Variants in DPYSL3 observed in about 807,000 individuals in gnomAD.
DPYSL3 encodes dihydropyrimidinase like 3.
In DPYSL3, 16 loss-of-function variants were observed where a neutral mutation model predicts 66.1. That is an observed-to-expected ratio of 0.24 (90% CI 0.16 to 0.37). The LOEUF (loss-of-function observed/expected upper bound fraction) is 0.37, where lower values mean the gene tolerates loss of function less well. DPYSL3 is among the 10% of genes least tolerant of loss of function. DPYSL3 has a pLI of 1.00. For missense variants in DPYSL3, 738 were observed against 916.2 expected, an observed-to-expected ratio of 0.81 and a Z score of 2.51; for synonymous variants, 338 against 345.1, an observed-to-expected ratio of 0.98 and a Z score of 0.23.
intron 8 of DPYSL3, among the ~76,000 whole-genome samples, chr5:147,403,535 C>G (rs567947259): frequency 6.6e-6 from 1 of 152,220 alleles, no homozygotes; most frequent in East Asian, 1.9e-4. Flanking sequence ...TCTCAGAGTT[C>G]TTTGAGAATT....
chr5:147,440,791 ATAAG>A (rs1000560293), intron 1 of DPYSL3, among the ~76,000 whole-genome samples: 4 of 152,228 alleles, frequency 2.6e-5, no homozygotes, highest in Non-Finnish European at 5.9e-5. Flanking sequence ...AAATAACTTG[ATAAG>A]TAATGTTTCC....
chr5:147,440,356 T>C (rs193284792), intron 1 of DPYSL3, among the ~76,000 whole-genome samples: 499 of 152,290 alleles, frequency 3.3e-3, no homozygotes, highest in Non-Finnish European at 5.5e-3. Context: ...TCAGGTTATT[T>C]TGATTATTCT....
chr5:147,509,435 A>G lies in DPYSL3; in HGVS notation c.381+43T>C. On this transcript the variant is annotated intron_variant, in intron 1 of 13. Coordinates refer to ENST00000343218, the MANE Select transcript of DPYSL3 (RefSeq NM_001197294.2). The surrounding 1 kb of genome is among the most constrained non-coding windows in gnomAD (Gnocchi z 5.3). ...GGGCCATGGCGGCCAGGGCTGGAGA[A>G]AGGAACGAAGGCAAGGAGGGAAGTG... 2.7e-6 allele frequency: 4 copies of G among 1,462,084 alleles called. No individual in the cohort carries two copies. Among genetic ancestry groups the G allele is most frequent in the Non-Finnish European group, 3.6e-6 (4 of 1,111,128 alleles). The allele number at this position is 1,462,084 out of a possible 1,614,324, so 90.6% of individuals were successfully genotyped here.
At chr5:147,398,070 T>C (rs1360629408) in intron 11 of DPYSL3, among the ~76,000 whole-genome samples, 2 of 152,124 alleles carry the variant, frequency 1.3e-5, no homozygotes, top group African/African-American at 4.8e-5. Context: ...TTTAATAAGG[T>C]CCTCAAGTGG....
At position 147,509,264 on chromosome 5, in the gene DPYSL3, C is replaced by G. The variant is rs1255192881; in HGVS notation, c.381+214G>C. Among the ~76,000 whole-genome samples the G allele has an allele frequency of 6.6e-6, 1 of 152,226 alleles. No homozygotes were observed. Among genetic ancestry groups the G allele is most frequent in the Non-Finnish European group, 1.5e-5 (1 of 68,044 alleles). On this transcript the variant is annotated intron_variant, in intron 1 of 13. Coordinates refer to ENST00000343218, the MANE Select transcript of DPYSL3 (RefSeq NM_001197294.2). The surrounding 1 kb of genome is among the most constrained non-coding windows in gnomAD (Gnocchi z 5.3). ...GGCAGGGGAACCCGGGCATCCCTTC[C>G]GCGCTTGCACGAAGATGCTGCAAGT...
chr5:147,420,449 AT>A (rs1447203164), intron 2 of DPYSL3, among the ~76,000 whole-genome samples: 2 of 152,164 alleles, frequency 1.3e-5, no homozygotes, highest in Admixed American at 6.5e-5. Context: ...GGTCCTTTGC[AT>A]ATATACAGAT....
intron 13 of DPYSL3, among the ~76,000 whole-genome samples, chr5:147,394,840 A>T (rs3805534): frequency 0.04 from 6,014 of 152,096 alleles, 337 homozygotes; most frequent in East Asian, 0.19. Flanking sequence ...CTCCCATTCC[A>T]TACCCTTTCC....
chr5:147,506,668 G>A (rs1005761976), intron 1 of DPYSL3, among the ~76,000 whole-genome samples: 2 of 152,008 alleles, frequency 1.3e-5, no homozygotes, highest in African/African-American at 4.8e-5. Context: ...ACATGTAACG[G>A]GCATTAAAAT....
chr5:147,410,286 G>A (rs769084540), intron 6 of DPYSL3, among the ~76,000 whole-genome samples: 9 of 151,858 alleles, frequency 5.9e-5, no homozygotes, highest in Non-Finnish European at 1.0e-4. Flanking sequence ...AATCACCAGG[G>A]GATTATTTTC....
chr5:147,501,455 A>G lies in DPYSL3; in HGVS notation c.381+8023T>C, dbSNP rs529878111. On this transcript the variant is annotated intron_variant, in intron 1 of 13. Transcript: ENST00000343218. Reference sequence around the variant, plus strand: ...AACACCAGAGTGAAGCCTAATGTAAACTATGGATTTGTGGTGATAATGATT... The same window carrying G: ...AACACCAGAGTGAAGCCTAATGTAAGCTATGGATTTGTGGTGATAATGATT... Among the ~76,000 whole-genome samples, 7 of 150,544 alleles carry G rather than the reference A, an allele frequency of 4.6e-5. No homozygotes were observed. The South Asian group carries it at 1.5e-3, about 32-fold the overall frequency.
intron 4 of DPYSL3, among the ~76,000 whole-genome samples, chr5:147,414,761 G>A (rs1751927965): frequency 1.3e-5 from 2 of 152,102 alleles, no homozygotes; most frequent in South Asian, 4.2e-4. Context: ...GGGTAAGGAG[G>A]GGATGGAAAG....
At chr5:147,504,487 G>A (rs958019899) in intron 1 of DPYSL3, among the ~76,000 whole-genome samples, 9 of 152,178 alleles carry the variant, frequency 5.9e-5, no homozygotes, top group Non-Finnish European at 1.3e-4. Flanking sequence ...TCATTTGTCA[G>A]AGAAGACTTA....
At chr5:147,409,604 C>A (rs1751803970) in intron 6 of DPYSL3, among the ~76,000 whole-genome samples, 1 of 152,170 alleles carries the variant, frequency 6.6e-6, no homozygotes. Context: ...CTTCTAGCCT[C>A]TTTATGGAAG....
intron 1 of DPYSL3, among the ~76,000 whole-genome samples, chr5:147,481,825 G>C (rs991067186): frequency 6.6e-6 from 1 of 152,136 alleles, no homozygotes; most frequent in Non-Finnish European, 1.5e-5. Context: ...AGACATTCCA[G>C]GTTCCAGAAT....
At chr5:147,436,288 C>T (rs1360418095) in intron 1 of DPYSL3, among the ~76,000 whole-genome samples, 1 of 152,090 alleles carries the variant, frequency 6.6e-6, no homozygotes, top group Non-Finnish European at 1.5e-5. Context: ...TATGATATCA[C>T]CACAAATATG....
intron 2 of DPYSL3, among the ~76,000 whole-genome samples, chr5:147,421,083 T>G (rs1482211704): frequency 2.0e-5 from 3 of 152,214 alleles, no homozygotes; most frequent in African/African-American, 7.2e-5. Context: ...TAGTCTCTGT[T>G]TGCAGATGAC....
intron 1 of DPYSL3, among the ~76,000 whole-genome samples, chr5:147,425,981 C>T (rs1752189234): frequency 6.6e-6 from 1 of 151,818 alleles, no homozygotes; most frequent in South Asian, 2.1e-4. Flanking sequence ...TTCAGCTTCA[C>T]AAAGATATTT....
At position 147,437,416 on chromosome 5, in the gene DPYSL3, ATT is replaced by A. The variant is rs1752432731; in HGVS notation, c.382-12455_382-12454del. Among the ~76,000 whole-genome samples, 7 of 152,184 alleles carry A rather than the reference ATT, an allele frequency of 4.6e-5. No homozygotes were observed. In the East Asian group the frequency reaches 9.6e-4, roughly 21 times the overall value. On this transcript the variant is annotated intron_variant, in intron 1 of 13. Transcript: ENST00000343218. ...CCATCTATTTGTGGAGGCCACAGGG[ATT>A]CTTCTTCAAGTCTGACATTGTATTT...
At chr5:147,481,022 A>G (rs1753231265) in intron 1 of DPYSL3, among the ~76,000 whole-genome samples, 2 of 152,148 alleles carry the variant, frequency 1.3e-5, no homozygotes, top group South Asian at 4.1e-4. Context: ...ACGCCTGGCC[A>G]TAAATCTATT....
Sources: allele counts gnomAD v4.1 joint callset (sites outside exome capture counted in the v4.1 genomes callset), GRCh38; gene constraint gnomAD v4.1.1; non-coding constraint Gnocchi (gnomAD v3.1); transcripts MANE v1.5; gene names NCBI Gene and HGNC (gene_info 2026-07-23, HGNC 2026-07-21).